SEMA3A: variants seen among roughly 807,000 people sequenced by gnomAD.
SEMA3A encodes semaphorin-3A.
SEMA3A carries 29 observed loss-of-function variants against 97.9 expected under a neutral mutation model. The observed-to-expected ratio is 0.30, with a 90% CI of 0.22 to 0.40. SEMA3A has a LOEUF of 0.40. SEMA3A is among the 10% of genes least tolerant of loss of function. SEMA3A has a pLI of 1.00. For missense variants in SEMA3A, 763 were observed against 951.3 expected, an observed-to-expected ratio of 0.80 and a Z score of 2.60; for synonymous variants, 321 against 323.7, an observed-to-expected ratio of 0.99 and a Z score of 0.09.
At chr7:84,421,597 G>A (rs1367356913) in intron 1 of SEMA3A, among the ~76,000 whole-genome samples, 2 of 151,952 alleles carry the variant, frequency 1.3e-5, no homozygotes, top group Non-Finnish European at 2.9e-5. Context: ...CTTGTGCTGG[G>A]TTTCAAAGGG....
intron 4 of SEMA3A, among the ~76,000 whole-genome samples, chr7:84,064,890 G>A (rs1793415469): frequency 1.3e-5 from 2 of 152,228 alleles, no homozygotes; most frequent in African/African-American, 4.8e-5. Context: ...GGATACCCAG[G>A]AATTGAACTC....
intron 1 of SEMA3A, among the ~76,000 whole-genome samples, chr7:84,174,506 T>A (rs1205520489): frequency 6.6e-6 from 1 of 152,222 alleles, no homozygotes; most frequent in Non-Finnish European, 1.5e-5. Flanking sequence ...TATAATATAA[T>A]GGTTTATATA....
At chr7:84,038,550 A>G (rs1378056551) in intron 6 of SEMA3A, among the ~76,000 whole-genome samples, 3 of 152,120 alleles carry the variant, frequency 2.0e-5, no homozygotes, top group African/African-American at 4.8e-5. Context: ...GAGAGCTTAC[A>G]CTAGATCACA....
At chr7:84,106,776 A>T (rs1795121576) in intron 4 of SEMA3A, among the ~76,000 whole-genome samples, 1 of 152,130 alleles carries the variant, frequency 6.6e-6, no homozygotes, top group East Asian at 1.9e-4. Context: ...CTGACAATGG[A>T]GTTTCAACAT....
At chr7:84,343,349 T>C (rs757712172) in intron 2 of SEMA3A, among the ~76,000 whole-genome samples, 4 of 152,164 alleles carry the variant, frequency 2.6e-5, no homozygotes, top group Admixed American at 2.0e-4. Flanking sequence ...GGTCTACTCA[T>C]AGGGTGATTA....
In SEMA3A at chr7:83,961,812, A is replaced by G. The variant is rs1404736923; in HGVS notation, c.1875T>C (p.Asp625=). The change falls in exon 17 of 17, where the codon GAT becomes GAC. Residue 625 remains aspartate, a synonymous_variant. Coordinates refer to ENST00000265362, the MANE Select transcript of SEMA3A (RefSeq NM_006080.3). Reference sequence around the variant, plus strand: ...GGCCTTGATCTGTCCTGATGATATGATCATCCACTCTGATCTAGCAGGTTA... The same window carrying G: ...GGCCTTGATCTGTCCTGATGATATGGTCATCCACTCTGATCTAGCAGGTTA... ...EERKEEIRVD[D]HIIRTDQGLL... 16 of 1,613,182 alleles carry G rather than the reference A, an allele frequency of 9.9e-6. No individual in the cohort carries two copies. Among genetic ancestry groups the G allele is most frequent in the Non-Finnish European group, 8.5e-7 (1 of 1,179,550 alleles).
chr7:84,450,426 C>T (rs765634955), intron 1 of SEMA3A, among the ~76,000 whole-genome samples: 1 of 152,166 alleles, frequency 6.6e-6, no homozygotes, highest in Non-Finnish European at 1.5e-5. Context: ...CCTCCCAGAA[C>T]AGGACCTTCT....
At chr7:84,227,553 A>G (rs111881992) in intron 3 of SEMA3A, among the ~76,000 whole-genome samples, 1 of 152,032 alleles carries the variant, frequency 6.6e-6, no homozygotes, top group African/African-American at 2.4e-5. Context: ...CCACTTTCTT[A>G]TTATATTATT....
At chr7:84,067,475 G>A (rs1793562569) in intron 4 of SEMA3A, among the ~76,000 whole-genome samples, 1 of 151,040 alleles carries the variant, frequency 6.6e-6, no homozygotes. Flanking sequence ...TACCATCAGA[G>A]TGAACAGGCA....
At chr7:84,115,243 G>A (rs988201890) in intron 3 of SEMA3A, among the ~76,000 whole-genome samples, 1 of 152,014 alleles carries the variant, frequency 6.6e-6, no homozygotes, top group Non-Finnish European at 1.5e-5. Flanking sequence ...AAAGTGGCTT[G>A]AATTATATGA....
At chr7:84,410,437 C>G (rs1804231063) in intron 1 of SEMA3A, among the ~76,000 whole-genome samples, 1 of 152,054 alleles carries the variant, frequency 6.6e-6, no homozygotes, top group African/African-American at 2.4e-5. Context: ...AATTCCCAAC[C>G]CAGATTGCAC....
rs1327498500 is a variant in SEMA3A at position 84,424,885 on chromosome 7, T to G, written c.-245-52985A>C. Among the ~76,000 whole-genome samples, 3 of 83,438 alleles carry G rather than the reference T, an allele frequency of 3.6e-5. No homozygotes were observed. The Admixed American group carries it at 6.4e-4, about 18-fold the overall frequency. 54.7% of individuals were successfully genotyped at this position (83,438 alleles called of 152,430 possible). A position where few individuals can be genotyped will look rare whatever the true frequency, so the allele number is the denominator to read the frequency against. On this transcript the variant is annotated intron_variant, in intron 1 of 3. Coordinates refer to the SEMA3A transcript ENST00000424555. ...ATATAAATATAAATATATAATATTA[T>G]ATATAAATAATTTATATAAACATAA...
intron 2 of SEMA3A, among the ~76,000 whole-genome samples, chr7:84,316,782 A>G (rs1392379816): frequency 6.6e-6 from 1 of 152,062 alleles, no homozygotes; most frequent in East Asian, 1.9e-4. Context: ...TTAGTGGTCC[A>G]AGAAAATAAA....
At chr7:84,283,623 C>T (rs1460640810) in intron 3 of SEMA3A, among the ~76,000 whole-genome samples, 1 of 151,276 alleles carries the variant, frequency 6.6e-6, no homozygotes, top group Non-Finnish European at 1.5e-5. Flanking sequence ...AAGTATCAAA[C>T]TAGCTGCTTA....
intron 1 of SEMA3A, among the ~76,000 whole-genome samples, chr7:84,173,050 G>A (rs1797441371): frequency 6.6e-6 from 1 of 152,026 alleles, no homozygotes; most frequent in African/African-American, 2.4e-5. Flanking sequence ...TTTTGTTTCT[G>A]CCAACACTTT....
At chr7:84,179,797 AGT>A (rs967484523) in intron 1 of SEMA3A, among the ~76,000 whole-genome samples, 1 of 151,786 alleles carries the variant, frequency 6.6e-6, no homozygotes, top group Non-Finnish European at 1.5e-5. Flanking sequence ...TAGAAGCAAG[AGT>A]GTAATATTAT....
At chr7:84,363,536 C>T (rs1168839076) in intron 2 of SEMA3A, among the ~76,000 whole-genome samples, 1 of 151,788 alleles carries the variant, frequency 6.6e-6, no homozygotes, top group African/African-American at 2.4e-5. Flanking sequence ...ATTTAATTGA[C>T]CTAAGATTTT....
intron 1 of SEMA3A, among the ~76,000 whole-genome samples, chr7:84,417,050 G>GTT (rs35953447): frequency 4.6e-5 from 7 of 151,868 alleles, no homozygotes; most frequent in African/African-American, 7.3e-5. Flanking sequence ...TGACCATAGT[G>GTT]TTTTTTAAAT....
intron 2 of SEMA3A, among the ~76,000 whole-genome samples, chr7:84,360,304 A>G (rs1802684118): frequency 6.6e-6 from 1 of 151,798 alleles, no homozygotes; most frequent in Non-Finnish European, 1.5e-5. Context: ...CTACATACAC[A>G]CTGCTTTAAA....
Sources: allele counts gnomAD v4.1 joint callset (sites outside exome capture counted in the v4.1 genomes callset), GRCh38; gene constraint gnomAD v4.1.1; transcripts MANE v1.5; gene names NCBI Gene and HGNC (gene_info 2026-07-23, HGNC 2026-07-21).